Variants in RBFOX1 observed in about 807,000 individuals in gnomAD.
RBFOX1 encodes RNA binding fox-1 homolog 1.
RBFOX1 carries 8 observed loss-of-function variants against 57.7 expected under a neutral mutation model. The ratio of observed to expected loss-of-function variants is 0.14; its 90% CI spans 0.08 to 0.25. The LOEUF is 0.25. Among genes scored for constraint, RBFOX1 ranks in the 10% least tolerant of loss-of-function variants. RBFOX1 has a pLI of 1.00. For synonymous variants in RBFOX1, 326 were observed against 222.4 expected (o/e 1.47, Z -4.15); for missense variants, 611 against 548.5 (o/e 1.11, Z -1.14).
chr16:6,356,149 C>A (rs1464282084), intron 2 of RBFOX1, among the ~76,000 whole-genome samples: 2 of 152,190 alleles, frequency 1.3e-5, no homozygotes, highest in Admixed American at 1.3e-4. Context: ...GTATGCACAG[C>A]CTTCATCCTT....
At chr16:6,333,677 A>C (rs2083306316) in intron 2 of RBFOX1, among the ~76,000 whole-genome samples, 1 of 152,208 alleles carries the variant, frequency 6.6e-6, no homozygotes, top group Non-Finnish European at 1.5e-5. Flanking sequence ...GGATGGACTT[A>C]AGTTTAGAAT....
chr16:7,094,205 A>G (rs950408304), intron 4 of RBFOX1, among the ~76,000 whole-genome samples: 3 of 152,026 alleles, frequency 2.0e-5, no homozygotes, highest in Admixed American at 1.3e-4. Context: ...GACATAAGCA[A>G]ATTAGTTTCT....
chr16:7,556,514 AG>A (rs1253564831), intron 5 of RBFOX1, among the ~76,000 whole-genome samples: 1 of 152,252 alleles, frequency 6.6e-6, no homozygotes, highest in African/African-American at 2.4e-5. Context: ...TAAGCAACTC[AG>A]TATGAAACTT....
intron 3 of RBFOX1, among the ~76,000 whole-genome samples, chr16:7,013,697 G>A (rs1224121913): frequency 6.6e-6 from 1 of 152,136 alleles, no homozygotes; most frequent in Non-Finnish European, 1.5e-5. Flanking sequence ...TTTCTCTGTT[G>A]CCCAGGCTGG....
chr16:7,002,338 G>A (rs2153635735), intron 3 of RBFOX1, among the ~76,000 whole-genome samples: 1 of 152,304 alleles, frequency 6.6e-6, no homozygotes. Flanking sequence ...GTGTTTGTGT[G>A]AGCACATGTG....
At chr16:6,863,622 GGA>G (rs1291395521) in intron 3 of RBFOX1, among the ~76,000 whole-genome samples, 4 of 146,770 alleles carry the variant, frequency 2.7e-5, no homozygotes, top group African/African-American at 1.0e-4. Context: ...TCAGAAGGAG[GGA>G]GAGAGAATGG....
At chr16:7,564,913 C>G (rs544175240) in intron 5 of RBFOX1, among the ~76,000 whole-genome samples, 1 of 152,150 alleles carries the variant, frequency 6.6e-6, no homozygotes, top group South Asian at 2.1e-4. Flanking sequence ...TGAATTCATT[C>G]GAGTTGCAGG....
At chr16:5,693,760 T>C (rs7199088) in intron 3 of RBFOX1, among the ~76,000 whole-genome samples, 142,929 of 152,242 alleles carry the variant, frequency 0.94, 67,298 homozygotes, top group East Asian at 1. Flanking sequence ...GCTATGATTC[T>C]TTTTGCGTGG....
chr16:7,195,538 T>G (rs2086487051), intron 4 of RBFOX1, among the ~76,000 whole-genome samples: 1 of 152,112 alleles, frequency 6.6e-6, no homozygotes, highest in African/African-American at 2.4e-5. Flanking sequence ...TCTTGCTCTC[T>G]TTATTTATGT....
At chr16:7,325,353 A>G (rs1432587288) in intron 4 of RBFOX1, among the ~76,000 whole-genome samples, 1 of 152,238 alleles carries the variant, frequency 6.6e-6, no homozygotes, top group Non-Finnish European at 1.5e-5. Flanking sequence ...ACTGGTAGGA[A>G]CTGGGCTTTT....
intron 1 of RBFOX1, among the ~76,000 whole-genome samples, chr16:6,113,311 C>G (rs960959577): frequency 6.6e-6 from 1 of 152,184 alleles, no homozygotes; most frequent in Admixed American, 6.5e-5. Context: ...CTCTCATTGG[C>G]CAAAGCAAGT....
At chr16:5,932,725 C>T (rs918025660) in intron 4 of RBFOX1, among the ~76,000 whole-genome samples, 28 of 152,152 alleles carry the variant, frequency 1.8e-4, no homozygotes, top group African/African-American at 6.0e-4. Flanking sequence ...GTCTTGTTTA[C>T]GTGCATTTCC....
At chr16:6,786,339 C>G (rs58270678) in intron 3 of RBFOX1, among the ~76,000 whole-genome samples, 15,757 of 152,106 alleles carry the variant, frequency 0.1, 884 homozygotes, top group African/African-American at 0.14. Context: ...CCACAATGTA[C>G]CCCCACAATG....
intron 4 of RBFOX1, among the ~76,000 whole-genome samples, chr16:5,974,763 C>G (rs1031872378): frequency 1.4e-4 from 22 of 152,256 alleles, no homozygotes; most frequent in Non-Finnish European, 2.9e-5. Context: ...AATCCCAGCA[C>G]TTTGGGAGGC....
intron 2 of RBFOX1, among the ~76,000 whole-genome samples, chr16:6,340,451 A>G (rs190947260): frequency 6.6e-6 from 1 of 152,344 alleles, no homozygotes; most frequent in Non-Finnish European, 1.5e-5. Context: ...AGGAATGGCT[A>G]CCTCATAGGC....
intron 1 of RBFOX1, among the ~76,000 whole-genome samples, chr16:6,192,235 T>C (rs1299279034): frequency 2.0e-5 from 3 of 152,122 alleles, no homozygotes; most frequent in Non-Finnish European, 4.4e-5. Flanking sequence ...TCCTTGGGTG[T>C]TGGGAGGGCA....
intron 4 of RBFOX1, chr16:7,304,490 GGC>G (rs2096123263): frequency 1.0e-6 from 1 of 985,308 alleles, no homozygotes; most frequent in African/African-American, 1.7e-5. Context: ...CAGCAGGTAA[GGC>G]GCGCGTCTGC....
intron 4 of RBFOX1, among the ~76,000 whole-genome samples, chr16:7,180,308 C>T (rs1207921774): frequency 6.6e-6 from 1 of 152,100 alleles, no homozygotes; most frequent in Non-Finnish European, 1.5e-5. Flanking sequence ...TAATTATTCC[C>T]ATTTTTCAGA....
chr16:5,673,401 A>G (rs1472442442), intron 3 of RBFOX1, among the ~76,000 whole-genome samples: 2 of 151,950 alleles, frequency 1.3e-5, no homozygotes, highest in Admixed American at 1.3e-4. Context: ...TCTCAGAGGG[A>G]ACCCATCCTG....
Sources: allele counts gnomAD v4.1 joint callset (sites outside exome capture counted in the v4.1 genomes callset), GRCh38; gene constraint gnomAD v4.1.1; transcripts MANE v1.5; gene names NCBI Gene and HGNC (gene_info 2026-07-23, HGNC 2026-07-21).